FAM20C: variants seen among roughly 807,000 people sequenced by gnomAD.
FAM20C encodes FAM20C golgi associated secretory pathway kinase, also known as extracellular serine/threonine protein kinase FAM20C.
In FAM20C, 40 loss-of-function variants were observed where a neutral mutation model predicts 51.5. The ratio of observed to expected loss-of-function variants is 0.78; its 90% CI spans 0.60 to 1.01. The LOEUF is 1.01. Among genes scored for constraint, FAM20C ranks in the 50% least tolerant of loss-of-function variants. FAM20C has a pLI of 0.00. For synonymous variants in FAM20C, 406 were observed against 380.6 expected, an observed-to-expected ratio of 1.07 and a Z score of -0.78; for missense variants, 861 against 844.7, an observed-to-expected ratio of 1.02 and a Z score of -0.24.
chr7:260,279 A>G lies in FAM20C; in HGVS notation c.*299A>G. 3.1e-6 allele frequency: 1 copy of G among 326,662 alleles called. No homozygotes were observed. The highest frequency in any genetic ancestry group is 5.6e-6 in the Non-Finnish European group (1 of 178,030). The allele number at this position is 326,662 out of a possible 1,614,324, so 20.2% of individuals were successfully genotyped here. ...CCTTTATTTACTATTTTGTATTTAT[A>G]TTTGATGAATAAGTATATAAACAGA... is the stretch of plus-strand genomic sequence containing the variant. On this transcript the variant is annotated 3_prime_UTR_variant, in exon 10 of 10. Transcript: ENST00000313766.
rs147602658 is a variant in FAM20C, at chr7:211,771, G to A, written c.863+2795G>A. 1.7e-3 allele frequency among the ~76,000 whole-genome samples: 262 copies of A among 152,344 alleles called. 2 individuals are homozygous for A. The highest frequency in any genetic ancestry group is 5.7e-3 in the African/African-American group (239 of 41,580). ...GCTGCAGTTGGGGAAACTGAGGCCC[G>A]GAAAGGGAAAGGATACGTCCAAGGC... On this transcript the variant is annotated intron_variant, in intron 3 of 9. Coordinates refer to ENST00000313766, the MANE Select transcript of FAM20C (RefSeq NM_020223.4).
At chr7:213,172 T>C (rs554202314) in intron 3 of FAM20C, among the ~76,000 whole-genome samples, 1 of 137,674 alleles carries the variant, frequency 7.3e-6, no homozygotes, top group Non-Finnish European at 1.7e-5. Flanking sequence ...TGTGTGGTCC[T>C]TTGTGAGTGA....
intron 8 of FAM20C, among the ~76,000 whole-genome samples, chr7:257,847 A>C (rs1242400036): frequency 4.9e-5 from 6 of 121,354 alleles, no homozygotes; most frequent in African/African-American, 2.0e-4. Flanking sequence ...GGGTGGACCC[A>C]CTGCCTGGGG....
chr7:198,931 G>A (rs541205661), intron 2 of FAM20C, among the ~76,000 whole-genome samples: 1 of 152,324 alleles, frequency 6.6e-6, no homozygotes, highest in Non-Finnish European at 1.5e-5. Context: ...GCTGCCTTGG[G>A]CTTGGAGATG....
intron 2 of FAM20C, among the ~76,000 whole-genome samples, chr7:204,832 C>G (rs1786276478): frequency 6.6e-6 from 1 of 152,202 alleles, no homozygotes; most frequent in Non-Finnish European, 1.5e-5. Context: ...CACACTGCCG[C>G]TGTTCTCAGT....
intron 2 of FAM20C, among the ~76,000 whole-genome samples, chr7:201,450 C>T (rs1287435418): frequency 1.3e-5 from 2 of 152,216 alleles, no homozygotes; most frequent in African/African-American, 4.8e-5. Flanking sequence ...TGAGTGGTGG[C>T]TGCACCCAGT....
At chr7:257,196 G>A in intron 8 of FAM20C, 110 bp downstream of exon 8, 1 of 1,097,754 alleles carries the variant, frequency 9.1e-7, no homozygotes, top group Non-Finnish European at 1.3e-6. Flanking sequence ...CCAGTGGAGG[G>A]ATGGGAATGT....
intron 2 of FAM20C, among the ~76,000 whole-genome samples, chr7:203,388 G>A (rs559886580): frequency 1.3e-5 from 2 of 152,138 alleles, no homozygotes; most frequent in Middle Eastern, 3.4e-3. Flanking sequence ...TTTTTTCAAG[G>A]CCTGGCCTGT....
intron 4 of FAM20C, 100 bp from the exon 5 acceptor site, chr7:248,215 G>A (rs1352809681): frequency 6.0e-6 from 5 of 835,754 alleles, no homozygotes; most frequent in Non-Finnish European, 9.4e-6. Context: ...GCCGCACAGA[G>A]CACAGACCCT....
intron 3 of FAM20C, among the ~76,000 whole-genome samples, chr7:242,983 C>T: frequency 6.6e-6 from 1 of 152,072 alleles, no homozygotes; most frequent in African/African-American, 2.4e-5. Flanking sequence ...ACCCGGGATA[C>T]CTGTGCCACC....
Position 192,836 on chromosome 7 carries a change from G to C in FAM20C, c.-364G>C, listed in dbSNP as rs1398786438. 2 of 145,810 alleles carry C rather than the reference G, an allele frequency of 1.4e-5. No individual in the cohort carries two copies. Among genetic ancestry groups the C allele is most frequent in the African/African-American group, 4.9e-5 (2 of 40,738 alleles). 9.0% of individuals were successfully genotyped at this position (145,810 alleles called of 1,614,324 possible). A position where few individuals can be genotyped will look rare whatever the true frequency, so the allele number is the denominator to read the frequency against. On this transcript the variant is annotated 5_prime_UTR_variant, in exon 1 of 10. Transcript: ENST00000313766. ...CGCCCAGGCCCGTCGCGCCCCGGCC[G>C]GGATGGACCCACACGCCCGATGAGC...
intron 3 of FAM20C, among the ~76,000 whole-genome samples, chr7:217,125 G>GC (rs960134665): frequency 6.6e-6 from 1 of 152,138 alleles, no homozygotes; most frequent in African/African-American, 2.4e-5. Context: ...GCCGTCAGCG[G>GC]CCCCCCAGGG....
chr7:247,254 G>A (rs1224134017), intron 4 of FAM20C, among the ~76,000 whole-genome samples: 1 of 152,334 alleles, frequency 6.6e-6, no homozygotes, highest in South Asian at 2.1e-4. Context: ...CTGGGAAAGT[G>A]GGGGGTCCGT....
rs771838877 is a variant in FAM20C, at chr7:230,381, G to C, written c.864-16034G>C. On this transcript the variant is annotated intron_variant, in intron 3 of 9. Transcript: ENST00000313766. ...TGTCCCCAGGACGGGGTGGGGGGGGGGGGGAACAGATCCCCGTGGCTTAAA... is the reference window on the plus strand; with the variant it reads ...TGTCCCCAGGACGGGGTGGGGGGGGCGGGGAACAGATCCCCGTGGCTTAAA... 1.4e-4 allele frequency among the ~76,000 whole-genome samples: 15 copies of C among 105,462 alleles called. 1 individual carries two copies. Among genetic ancestry groups the C allele is most frequent in the East Asian group, 9.8e-4 (3 of 3,052 alleles). The allele number at this position is 105,462 out of a possible 152,430, so 69.2% of individuals were successfully genotyped here.
chr7:230,070 C>T (rs1787600356), intron 3 of FAM20C, among the ~76,000 whole-genome samples: 1 of 152,076 alleles, frequency 6.6e-6, no homozygotes, highest in South Asian at 2.1e-4. Context: ...GGCCGTGGAA[C>T]CTGTAAATGT....
chr7:200,775 A>G (rs73040158), intron 2 of FAM20C, among the ~76,000 whole-genome samples: 1 of 152,168 alleles, frequency 6.6e-6, no homozygotes, highest in Non-Finnish European at 1.5e-5. Flanking sequence ...GGCAGTGCTG[A>G]TGGGGCCTTG....
chr7:203,046 G>T (rs1786204652), intron 2 of FAM20C, among the ~76,000 whole-genome samples: 1 of 152,128 alleles, frequency 6.6e-6, no homozygotes, highest in Admixed American at 6.5e-5. Flanking sequence ...AGGGAAGGTG[G>T]TAGGTGGGAG....
At chr7:223,055 ACACTCATGCACG>A (rs1787310252) in intron 3 of FAM20C, among the ~76,000 whole-genome samples, 1 of 151,546 alleles carries the variant, frequency 6.6e-6, no homozygotes, top group Non-Finnish European at 1.5e-5. Flanking sequence ...GTGTGTGTGC[ACACTCATGCACG>A]TGTGTGTAGG....
intron 5 of FAM20C, among the ~76,000 whole-genome samples, chr7:250,589 A>T (rs893032507): frequency 6.6e-6 from 1 of 151,694 alleles, no homozygotes; most frequent in Non-Finnish European, 1.5e-5. Context: ...AGGGGCTGAA[A>T]CTCGCCTCCC....
Sources: allele counts gnomAD v4.1 joint callset (sites outside exome capture counted in the v4.1 genomes callset), GRCh38; gene constraint gnomAD v4.1.1; transcripts MANE v1.5; gene names NCBI Gene and HGNC (gene_info 2026-07-23, HGNC 2026-07-21).